Variants in LPAR6 observed in about 807,000 individuals in gnomAD.
LPAR6 encodes the protein lysophosphatidic acid receptor 6.
LPAR6 carries 17 observed loss-of-function variants against 22.0 expected under a neutral mutation model. That is an observed-to-expected ratio of 0.77 (90% CI 0.53 to 1.16). LPAR6 has a LOEUF of 1.16. Among genes scored for constraint, LPAR6 ranks in the 50% most tolerant of loss-of-function variants. The probability of loss-of-function intolerance (pLI) is 0.00; values close to 1 mark genes in which losing one functional copy is unlikely to be tolerated. For missense variants in LPAR6, 384 were observed against 406.9 expected, an observed-to-expected ratio of 0.94 and a Z score of 0.48; for synonymous variants, 136 against 139.8, an observed-to-expected ratio of 0.97 and a Z score of 0.19.
At chr13:48,409,638 TGGC>T (rs1948774513), downstream of LPAR6, among the ~76,000 whole-genome samples, 1 of 130,736 alleles carries the variant, frequency 7.6e-6, no homozygotes, top group Non-Finnish European at 1.6e-5. Flanking sequence ...TGGAGTGCAG[TGGC>T]GAGATCTTGG....
At chr13:48,399,214 A>T (rs1948671602) in intron 1 of LPAR6, among the ~76,000 whole-genome samples, 1 of 151,960 alleles carries the variant, frequency 6.6e-6, no homozygotes, top group African/African-American at 2.4e-5. Context: ...ATTGGACCTG[A>T]GGTTTTTGTT....
At chr13:48,438,319 T>C (rs1355963470) in intron 1 of LPAR6, among the ~76,000 whole-genome samples, 2 of 152,186 alleles carry the variant, frequency 1.3e-5, no homozygotes, top group African/African-American at 4.8e-5. Context: ...TGCATGAAGT[T>C]TCCCCAGGGC....
At chr13:48,444,037 C>G (rs939418442) in intron 1 of LPAR6, among the ~76,000 whole-genome samples, 1 of 152,130 alleles carries the variant, frequency 6.6e-6, no homozygotes, top group African/African-American at 2.4e-5. Context: ...GCTGGGCATC[C>G]TCCAACTCAG....
At chr13:48,421,605 T>C (rs1949005737) in intron 2 of LPAR6, among the ~76,000 whole-genome samples, 1 of 152,186 alleles carries the variant, frequency 6.6e-6, no homozygotes, top group African/African-American at 2.4e-5. Context: ...AGAAAATTTT[T>C]GCGATCTATC....
intron 1 of LPAR6, among the ~76,000 whole-genome samples, chr13:48,398,165 T>C (rs1246906943): frequency 6.6e-6 from 1 of 152,202 alleles, no homozygotes; most frequent in Non-Finnish European, 1.5e-5. Flanking sequence ...AAGCTTCTCA[T>C]GAATTACCTA....
downstream of LPAR6, among the ~76,000 whole-genome samples, chr13:48,407,696 G>A (rs1948752451): frequency 6.6e-6 from 1 of 152,086 alleles, no homozygotes; most frequent in African/African-American, 2.4e-5. Context: ...TTTTTAATTT[G>A]TAATTTATTT....
chr13:48,404,533 T>C (rs558819769), intron 1 of LPAR6, among the ~76,000 whole-genome samples: 98 of 151,894 alleles, frequency 6.5e-4, no homozygotes, highest in Non-Finnish European at 6.9e-4. Flanking sequence ...GTGGATACTT[T>C]TTGTTTTTTT....
At chr13:48,430,565 C>A (rs1356226982), upstream of LPAR6, among the ~76,000 whole-genome samples, 4 of 151,998 alleles carry the variant, frequency 2.6e-5, no homozygotes, top group African/African-American at 9.7e-5. Context: ...CGTGGTGAAA[C>A]CCCGTCTCTA....
At chr13:48,439,492 G>A (rs1034420890) in intron 1 of LPAR6, 2 of 152,102 alleles carry the variant, frequency 1.3e-5, no homozygotes, top group African/African-American at 4.8e-5. Flanking sequence ...CTTCCTTATA[G>A]TGCAATATCC....
intron 1 of LPAR6, among the ~76,000 whole-genome samples, chr13:48,390,245 G>A (rs889734657): frequency 1.2e-4 from 19 of 152,172 alleles, no homozygotes; most frequent in Admixed American, 8.5e-4. Context: ...GAAGTTGAAC[G>A]TAATGAATTT....
chr13:48,400,572 G>A (rs1368286483), intron 1 of LPAR6, among the ~76,000 whole-genome samples: 1 of 152,026 alleles, frequency 6.6e-6, no homozygotes, highest in Admixed American at 6.6e-5. Flanking sequence ...TTGAATTAGC[G>A]GATCTTACTT....
chr13:48,390,473 G>A (rs957565434), intron 1 of LPAR6, among the ~76,000 whole-genome samples: 5 of 152,122 alleles, frequency 3.3e-5, no homozygotes, highest in African/African-American at 1.2e-4. Context: ...GGAGGAATGT[G>A]ACTGAAATAA....
chr13:48,430,543 C>T (rs1292922755), upstream of LPAR6, among the ~76,000 whole-genome samples: 1 of 152,062 alleles, frequency 6.6e-6, no homozygotes, highest in South Asian at 2.1e-4. Flanking sequence ...AGTTTGACAC[C>T]AGCCTAGCTA....
rs748147550 is a variant in LPAR6 at position 48,412,332 on chromosome 13, C to G, written c.92G>C (p.Gly31Ala). 6.2e-7 allele frequency: 1 copy of G among 1,613,314 alleles called. No individual in the cohort carries two copies. The highest frequency in any genetic ancestry group is 2.2e-5 in the East Asian group (1 of 44,858). ...GCMFSMVFVL[G>A]LISNCVAIYI... ...TATGGCAACACAATTGGATATTAAC[C>G]CAAGCACAAACACCATGCTGAACAT... Residue 31 changes from glycine to alanine, a missense_variant, in exon 1 of 1, where the codon GGG becomes GCG. Coordinates refer to ENST00000620633, the MANE Select transcript of LPAR6 (RefSeq NM_001162498.3).
upstream of LPAR6, chr13:48,429,148 G>T (rs949611693): frequency 6.6e-6 from 1 of 152,140 alleles, no homozygotes; most frequent in African/African-American, 2.4e-5. Context: ...TGCAAAAAAG[G>T]GTTGTTTTAG....
upstream of LPAR6, among the ~76,000 whole-genome samples, chr13:48,430,147 G>C (rs1949114700): frequency 6.6e-6 from 1 of 152,072 alleles, no homozygotes; most frequent in African/African-American, 2.4e-5. Flanking sequence ...CTTTTAACAG[G>C]TCAAAGTAGT....
chr13:48,400,279 A>G (rs936586627), intron 1 of LPAR6, among the ~76,000 whole-genome samples: 17 of 152,126 alleles, frequency 1.1e-4, no homozygotes, highest in Admixed American at 9.2e-4. Context: ...GTATTAACTC[A>G]TAACTTCTCA....
chr13:48,422,244 A>G (rs1454463212), intron 2 of LPAR6, among the ~76,000 whole-genome samples: 1 of 152,136 alleles, frequency 6.6e-6, no homozygotes, highest in Non-Finnish European at 1.5e-5. Context: ...GGAAACCATC[A>G]CTTTCAGCAA....
At chr13:48,426,255 ATATCT>A (rs764829160) in intron 1 of LPAR6, among the ~76,000 whole-genome samples, 4 of 152,226 alleles carry the variant, frequency 2.6e-5, no homozygotes, top group Non-Finnish European at 2.9e-5. Context: ...ATCACCTATA[ATATCT>A]TAACTTTATA....
Sources: gnomAD v4.1 joint callset for allele counts (sites outside exome capture counted in the v4.1 genomes callset) on GRCh38, gnomAD v4.1.1 for gene constraint, MANE v1.5 for transcripts, NCBI Gene and HGNC (gene_info 2026-07-23, HGNC 2026-07-21) for gene names.